The following PLEKHM1 variants were observed in gnomAD, a reference collection of about 807,000 sequenced individuals.
The protein encoded by PLEKHM1 is pleckstrin homology domain-containing family M member 1.
A neutral mutation model predicts 94.3 loss-of-function variants in PLEKHM1; 28 were observed. That is an observed-to-expected ratio of 0.30 (90% CI 0.22 to 0.41). The LOEUF is 0.41. Ranked by LOEUF, PLEKHM1 falls within the 10% of genes least tolerant of loss-of-function variation. PLEKHM1 has a pLI of 1.00. For missense variants in PLEKHM1, 907 were observed against 1,358.6 expected (o/e 0.67, Z 5.22); for synonymous variants, 424 against 581.2 (o/e 0.73, Z 3.89).
rs1463667615 is a variant in PLEKHM1 at position 45,490,496 on chromosome 17, G to A, written c.-42+156C>T. Among the ~76,000 whole-genome samples, 6 of 152,282 alleles carry A rather than the reference G, an allele frequency of 3.9e-5. No homozygotes were observed. In the East Asian group the frequency reaches 1.2e-3, roughly 29 times the overall value. On this transcript the variant is annotated intron_variant, in intron 1 of 11. Coordinates refer to ENST00000430334, the MANE Select transcript of PLEKHM1 (RefSeq NM_014798.3). The stretch of plus-strand genomic sequence containing the variant: ...GGAAGGCTGGGTCGGAGAGGAGCGG[G>A]CGCGGGCTGGACAGGGCTGAGGGCC...
intron 7 of PLEKHM1, chr17:45,452,911 C>T (rs1315829015): frequency 7.8e-6 from 2 of 256,646 alleles, no homozygotes; most frequent in Non-Finnish European, 7.6e-6. Flanking sequence ...TTCATCATCA[C>T]AGAAAGTTCT....
intron 3 of PLEKHM1, among the ~76,000 whole-genome samples, chr17:45,476,359 T>G (rs901269091): frequency 6.6e-5 from 10 of 151,786 alleles, no homozygotes; most frequent in African/African-American, 2.4e-4. Flanking sequence ...GGTAAAGACA[T>G]GGTCCCTGCC....
intron 4 of PLEKHM1, among the ~76,000 whole-genome samples, chr17:45,469,117 G>T (rs2051417592): frequency 6.6e-6 from 1 of 151,900 alleles, no homozygotes; most frequent in South Asian, 2.1e-4. Flanking sequence ...GGACAGCAAG[G>T]GGAGGTGCAA....
intron 4 of PLEKHM1, among the ~76,000 whole-genome samples, chr17:45,474,543 T>C (rs2051643643): frequency 6.6e-6 from 1 of 152,250 alleles, no homozygotes; most frequent in South Asian, 2.1e-4. Flanking sequence ...TTATGCGTTA[T>C]GTTTCATCTA....
At chr17:45,489,182 C>A (rs534258089) in intron 1 of PLEKHM1, among the ~76,000 whole-genome samples, 1 of 152,188 alleles carries the variant, frequency 6.6e-6, no homozygotes, top group East Asian at 1.9e-4. Flanking sequence ...GAAAAGAAAG[C>A]GATTCAAGAG....
At chr17:45,450,845 G>A (rs2050755144) in intron 7 of PLEKHM1, 82 bp from the exon 8 acceptor site, 3 of 839,354 alleles carry the variant, frequency 3.6e-6, no homozygotes, top group Non-Finnish European at 3.8e-6. Flanking sequence ...GAAAGGATCT[G>A]CTGGTTGATT....
At chr17:45,472,012 C>T (rs1055307107) in intron 4 of PLEKHM1, among the ~76,000 whole-genome samples, 12 of 152,172 alleles carry the variant, frequency 7.9e-5, no homozygotes, top group Admixed American at 7.9e-4. Flanking sequence ...TAATAAATTT[C>T]ATTTTGAATG....
Position 45,446,011 on chromosome 17 carries a change from C to A in PLEKHM1, c.2644-348G>T. The A allele has an allele frequency of 7.0e-6, 3 of 425,994 alleles. No individual in the cohort carries two copies. The Admixed American group carries it at 1.2e-4, about 17-fold the overall frequency. 26.4% of individuals were successfully genotyped at this position (425,994 alleles called of 1,614,324 possible). ...TTCCCACTCTTTCCTGTCCTCCCAG[C>A]CCCTATTTCCCCCCACTGAAGGAAA... On this transcript the variant is annotated intron_variant, in intron 8 of 11. Coordinates refer to ENST00000430334, the MANE Select transcript of PLEKHM1 (RefSeq NM_014798.3).
rs191815733 is a variant in PLEKHM1, at chr17:45,444,974, G to A, written c.2837+496C>T. On this transcript the variant is annotated intron_variant, in intron 9 of 11. Coordinates refer to ENST00000430334, the MANE Select transcript of PLEKHM1 (RefSeq NM_014798.3). This position sits in a 1 kb window ranked among gnomAD's most constrained non-coding sequence, Gnocchi z 5.0. ...CTGTCTCCCTCTCACCCTCACCCCCGGATGGAGTTGCTGGCTTTCCTACTT... is the reference window on the plus strand; with the variant it reads ...CTGTCTCCCTCTCACCCTCACCCCCAGATGGAGTTGCTGGCTTTCCTACTT... 1.7e-3 allele frequency among the ~76,000 whole-genome samples: 252 copies of A among 151,486 alleles called. 9 individuals carry two copies. In the East Asian group the frequency reaches 0.043, roughly 26 times the overall value.
At chr17:45,449,093 TG>T (rs2050693505) in intron 8 of PLEKHM1, among the ~76,000 whole-genome samples, 1 of 152,132 alleles carries the variant, frequency 6.6e-6, no homozygotes. Context: ...ATCTTAATAA[TG>T]GGGGAAGTCA....
chr17:45,462,379 G>C (rs1007042138), intron 5 of PLEKHM1, among the ~76,000 whole-genome samples: 2 of 151,822 alleles, frequency 1.3e-5, no homozygotes, highest in African/African-American at 2.4e-5. Context: ...ATGGGTGGGA[G>C]AAACAGCTCC....
chr17:45,448,796 GA>G lies in PLEKHM1; in HGVS notation c.2643+1821del, dbSNP rs543650556. Among the ~76,000 whole-genome samples the G allele has an allele frequency of 5.1e-3, 769 of 152,144 alleles. 9 individuals are homozygous for G. Among genetic ancestry groups the G allele is most frequent in the African/African-American group, 0.018 (734 of 41,480 alleles). The stretch of plus-strand genomic sequence containing the variant: ...AGGAAAGTGGCTAAGTTCAGCTGGA[GA>G]AAAGGAAAATTCTGAAAGACTTTAA... On this transcript the variant is annotated intron_variant, in intron 8 of 11. Coordinates refer to ENST00000430334, the MANE Select transcript of PLEKHM1 (RefSeq NM_014798.3).
chr17:45,446,716 T>C (rs1225994523), intron 8 of PLEKHM1, among the ~76,000 whole-genome samples: 1 of 152,250 alleles, frequency 6.6e-6, no homozygotes, highest in African/African-American at 2.4e-5. Context: ...TGCTGATATA[T>C]AGAAATGAAA....
chr17:45,445,750 T>G lies in PLEKHM1; in HGVS notation c.2644-87A>C. ...CCAGGTGCCACATGACCTGCTCACT[T>G]ACCTGAGGGGCTATCTTCATTTTAC... On this transcript the variant is annotated intron_variant, in intron 8 of 11. Transcript: ENST00000430334. This position sits in a 1 kb window ranked among gnomAD's most constrained non-coding sequence, Gnocchi z 4.2. The G allele has an allele frequency of 1.1e-6, 1 of 918,002 alleles. No homozygotes were observed. Among genetic ancestry groups the G allele is most frequent in the East Asian group, 2.4e-5 (1 of 41,204 alleles). 56.9% of individuals were successfully genotyped at this position (918,002 alleles called of 1,614,324 possible). A position where few individuals can be genotyped will look rare whatever the true frequency, so the allele number is the denominator to read the frequency against.
At chr17:45,486,316 C>T (rs186089408) in intron 1 of PLEKHM1, among the ~76,000 whole-genome samples, 136 of 151,216 alleles carry the variant, frequency 9.0e-4, no homozygotes, top group African/African-American at 3.2e-3. Context: ...GGCGCGGTGG[C>T]TCACGCCTGT....
At chr17:45,467,735 T>A (rs2051361397) in intron 5 of PLEKHM1, among the ~76,000 whole-genome samples, 1 of 152,124 alleles carries the variant, frequency 6.6e-6, no homozygotes, top group Non-Finnish European at 1.5e-5. Context: ...CACTCCAGCC[T>A]GGGCAACAGA....
intron 10 of PLEKHM1, 112 bp from the exon 11 acceptor site, chr17:45,439,746 T>A: frequency 2.9e-6 from 4 of 1,397,040 alleles, no homozygotes; most frequent in Non-Finnish European, 4.0e-6. Context: ...CATGGCACCC[T>A]GCCTGGAGAA....
intron 5 of PLEKHM1, among the ~76,000 whole-genome samples, chr17:45,462,761 G>C (rs1174418772): frequency 6.6e-6 from 1 of 152,182 alleles, no homozygotes; most frequent in Non-Finnish European, 1.5e-5. Flanking sequence ...GGACTGGAAG[G>C]AAGGAGACAA....
rs559934881 is a variant in PLEKHM1 at position 45,445,026 on chromosome 17, C to T, written c.2837+444G>A. 4.6e-5 allele frequency among the ~76,000 whole-genome samples: 7 copies of T among 152,352 alleles called. No individual in the cohort carries two copies. The South Asian group carries it at 6.2e-4, about 14-fold the overall frequency. Reference sequence around the variant, plus strand: ...TCTTCCCTGCCAGGCCAGAGACTTCCGGCGGGTCGGCCCTGGCTCTGTCCT... The same window carrying T: ...TCTTCCCTGCCAGGCCAGAGACTTCTGGCGGGTCGGCCCTGGCTCTGTCCT... On this transcript the variant is annotated intron_variant, in intron 9 of 11. Transcript: ENST00000430334. The surrounding 1 kb of genome is among the most constrained non-coding windows in gnomAD (Gnocchi z 4.2).
Sources: gnomAD v4.1 joint callset for allele counts (sites outside exome capture counted in the v4.1 genomes callset) on GRCh38, gnomAD v4.1.1 for gene constraint, Gnocchi (gnomAD v3.1) non-coding constraint, MANE v1.5 for transcripts, NCBI Gene and HGNC (gene_info 2026-07-23, HGNC 2026-07-21) for gene names.